SIK3: variants seen among roughly 807,000 people sequenced by gnomAD.
SIK3 encodes serine/threonine-protein kinase SIK3.
SIK3 carries 28 observed loss-of-function variants against 144.2 expected under a neutral mutation model. That is an observed-to-expected ratio of 0.19 (90% CI 0.14 to 0.27). The LOEUF (loss-of-function observed/expected upper bound fraction) is 0.27. Ranked by LOEUF, SIK3 falls within the 10% of genes least tolerant of loss-of-function variation. The pLI, the probability that SIK3 is intolerant of heterozygous loss-of-function variation, is 1.00. For synonymous variants in SIK3, 686 were observed against 676.3 expected (o/e 1.01, Z -0.22); for missense variants, 1,319 against 1,776.0 (o/e 0.74, Z 4.62).
chr11:116,870,028 G>T, intron 14 of SIK3: 2 of 1,116,430 alleles, frequency 1.8e-6, no homozygotes, highest in Non-Finnish European at 2.4e-6. Flanking sequence ...TTTGTGCCTT[G>T]TGAATACTAT....
intron 4 of SIK3, among the ~76,000 whole-genome samples, chr11:116,916,769 C>G (rs576516003): frequency 3.3e-5 from 5 of 149,776 alleles, no homozygotes; most frequent in Non-Finnish European, 7.4e-5. Context: ...CTCGGCCTCC[C>G]AAAGTGCTAG....
Position 116,973,020 on chromosome 11 carries a change from A to T in SIK3, c.274-15956T>A, listed in dbSNP as rs566679760. Among the ~76,000 whole-genome samples, 113 of 152,282 alleles carry T rather than the reference A, an allele frequency of 7.4e-4. 2 individuals carry two copies. In the South Asian group the frequency reaches 0.019, roughly 25 times the overall value. On this transcript the variant is annotated intron_variant, in intron 1 of 24. Transcript: ENST00000445177. ...AGCCAACAGCCAACAAAAAGCTGGGATCCTCACTCATAAAGCAATTCTACC... is the reference window on the plus strand; with the variant it reads ...AGCCAACAGCCAACAAAAAGCTGGGTTCCTCACTCATAAAGCAATTCTACC...
chr11:116,966,111 C>A (rs1485474154), intron 1 of SIK3, among the ~76,000 whole-genome samples: 1 of 152,066 alleles, frequency 6.6e-6, no homozygotes, highest in African/African-American at 2.4e-5. Context: ...AAAATGGCAA[C>A]CAAAGAACAC....
Position 116,904,760 on chromosome 11 carries a change from T to C in SIK3, c.617-7443A>G, listed in dbSNP as rs1945936203. On this transcript the variant is annotated intron_variant, in intron 4 of 24. Coordinates refer to ENST00000445177, the MANE Select transcript of SIK3 (RefSeq NM_001366686.3). ...TTAAATTTTAAAACATAGAATAAAA[T>C]AGAGACAGGGTCTTGCTGTGTTGCC... is the stretch of plus-strand genomic sequence containing the variant. The C allele has an allele frequency of 1.2e-4, 19 of 153,334 alleles. No homozygotes were observed. The South Asian group carries it at 2.9e-3, about 23-fold the overall frequency. The allele number at this position is 153,334 out of a possible 1,614,324, so 9.5% of individuals were successfully genotyped here. A position where few individuals can be genotyped will look rare whatever the true frequency, so the allele number is the denominator to read the frequency against.
At chr11:116,923,107 G>A (rs1947092802) in intron 4 of SIK3, among the ~76,000 whole-genome samples, 2 of 151,636 alleles carry the variant, frequency 1.3e-5, no homozygotes, top group Non-Finnish European at 2.9e-5. Flanking sequence ...GTAGAGACCG[G>A]TTTTCACCAC....
At position 116,931,985 on chromosome 11, in the gene SIK3, T is replaced by C. The variant is rs12275948; in HGVS notation, c.455-4605A>G. Reference sequence around the variant, plus strand: ...GGGCTTCTTGACTTGTTGCTGCTTCTTGTTACTATCTCTTTTCTTTGCTCC... The same window carrying C: ...GGGCTTCTTGACTTGTTGCTGCTTCCTGTTACTATCTCTTTTCTTTGCTCC... On this transcript the variant is annotated intron_variant, in intron 3 of 24. Coordinates refer to ENST00000445177, the MANE Select transcript of SIK3 (RefSeq NM_001366686.3). Among the ~76,000 whole-genome samples, 1,163 of 152,346 alleles carry C rather than the reference T, an allele frequency of 7.6e-3. 14 individuals carry two copies. Among genetic ancestry groups the C allele is most frequent in the African/African-American group, 0.024 (998 of 41,570 alleles).
At position 116,920,785 on chromosome 11, in the gene SIK3, G is replaced by C. The variant is rs139219393; in HGVS notation, c.616+6434C>G. 1.4e-3 allele frequency among the ~76,000 whole-genome samples: 214 copies of C among 152,342 alleles called. 2 individuals carry two copies. The highest frequency in any genetic ancestry group is 4.3e-3 in the African/African-American group (178 of 41,564). ...GGAGCACCTGCTACAGAACAGGCAT[G>C]TATGAGCCAGTGGGAGTGTGACAAT... On this transcript the variant is annotated intron_variant, in intron 4 of 24. Transcript: ENST00000445177.
chr11:117,073,130 A>G (rs1954353085), intron 1 of SIK3, among the ~76,000 whole-genome samples: 2 of 152,210 alleles, frequency 1.3e-5, no homozygotes, highest in African/African-American at 4.8e-5. Flanking sequence ...GACTTTAGAA[A>G]GAAAAACCTA....
At chr11:117,097,999 C>A (rs1024123288) in intron 1 of SIK3, 144 bp downstream of exon 1, 3 of 1,117,374 alleles carry the variant, frequency 2.7e-6, no homozygotes. Context: ...GCGCCCGCCC[C>A]GCCGCGGCTG....
chr11:116,944,360 G>A (rs903774367), intron 3 of SIK3, among the ~76,000 whole-genome samples: 1 of 152,094 alleles, frequency 6.6e-6, no homozygotes, highest in Non-Finnish European at 1.5e-5. Flanking sequence ...ATAGTCTCAG[G>A]GTAGAGGCTG....
chr11:117,016,115 C>T (rs1227403591), intron 1 of SIK3: 3 of 151,806 alleles, frequency 2.0e-5, no homozygotes, highest in Admixed American at 6.6e-5. Context: ...CACTTGAGGC[C>T]AGGAGTTCAA....
intron 4 of SIK3, among the ~76,000 whole-genome samples, chr11:116,906,096 G>A (rs1400380478): frequency 6.6e-6 from 1 of 152,206 alleles, no homozygotes; most frequent in African/African-American, 2.4e-5. Flanking sequence ...TAGGACTTCT[G>A]AGCAGGCAGG....
chr11:117,063,289 C>T (rs1953880706), intron 1 of SIK3, among the ~76,000 whole-genome samples: 1 of 152,194 alleles, frequency 6.6e-6, no homozygotes, highest in Admixed American at 6.6e-5. Context: ...CATAACTACA[C>T]TGAAACCATA....
At chr11:117,051,732 T>C (rs1012111130) in intron 1 of SIK3, among the ~76,000 whole-genome samples, 10 of 152,096 alleles carry the variant, frequency 6.6e-5, no homozygotes, top group African/African-American at 1.4e-4. Context: ...TTTCAACATG[T>C]TGGCCGACCT....
intron 1 of SIK3, among the ~76,000 whole-genome samples, chr11:117,059,259 T>G (rs1953691775): frequency 6.6e-6 from 1 of 152,076 alleles, no homozygotes; most frequent in African/African-American, 2.4e-5. Context: ...AACATGGACA[T>G]TAAAGGCATA....
chr11:117,061,599 A>G (rs1299250929), intron 1 of SIK3, among the ~76,000 whole-genome samples: 3 of 152,188 alleles, frequency 2.0e-5, no homozygotes, highest in African/African-American at 7.2e-5. Context: ...CCTGTAACTC[A>G]ACATAAGGTC....
chr11:117,094,532 T>C (rs971944401), intron 1 of SIK3, among the ~76,000 whole-genome samples: 5 of 152,094 alleles, frequency 3.3e-5, no homozygotes, highest in African/African-American at 4.8e-5. Flanking sequence ...CTCTTGAGCC[T>C]GGGAGTTGGA....
intron 3 of SIK3, among the ~76,000 whole-genome samples, chr11:116,946,480 C>T (rs1464739504): frequency 6.6e-6 from 1 of 152,136 alleles, no homozygotes; most frequent in African/African-American, 2.4e-5. Context: ...ACAGTCGGGT[C>T]CATTATAGGA....
At chr11:116,975,949 T>C (rs1949934202) in intron 1 of SIK3, among the ~76,000 whole-genome samples, 2 of 152,206 alleles carry the variant, frequency 1.3e-5, no homozygotes, top group African/African-American at 2.4e-5. Context: ...TTCATTTGCA[T>C]TTTCCTAATG....
Sources: gnomAD v4.1 joint callset for allele counts (sites outside exome capture counted in the v4.1 genomes callset) on GRCh38, gnomAD v4.1.1 for gene constraint, MANE v1.5 for transcripts, NCBI Gene and HGNC (gene_info 2026-07-23, HGNC 2026-07-21) for gene names.